The following TES variants were observed in gnomAD, a reference collection of about 807,000 sequenced individuals.
TES encodes testin LIM domain protein, also known as testin.
In TES, 41 loss-of-function variants were observed where a neutral mutation model predicts 48.2. That is an observed-to-expected ratio of 0.85 (90% confidence interval 0.66 to 1.10). The LOEUF (loss-of-function observed/expected upper bound fraction) is 1.10, where lower values mean the gene tolerates loss of function less well. TES is among the 50% of genes least tolerant of loss of function. The pLI, the probability that TES is intolerant of heterozygous loss-of-function variation, is 0.00. For synonymous variants in TES, 162 were observed against 174.9 expected, an observed-to-expected ratio of 0.93 and a Z score of 0.58; for missense variants, 463 against 515.1, an observed-to-expected ratio of 0.90 and a Z score of 0.98.
intron 1 of TES, among the ~76,000 whole-genome samples, chr7:116,214,556 G>A (rs868106912): frequency 2.0e-5 from 3 of 152,040 alleles, no homozygotes; most frequent in Admixed American, 1.3e-4. Context: ...AGTGGTCCTC[G>A]GCCAGGCTTT....
chr7:116,251,601 T>G, intron 4 of TES, 159 bp from the exon 5 acceptor site: 5 of 681,040 alleles, frequency 7.3e-6, no homozygotes, highest in South Asian at 7.2e-5. Context: ...GAGAACGGCG[T>G]GAACCCAGGA....
chr7:116,256,763 A>C (rs942108099), intron 6 of TES, among the ~76,000 whole-genome samples: 1 of 152,246 alleles, frequency 6.6e-6, no homozygotes, highest in African/African-American at 2.4e-5. Context: ...ACTACAAGTT[A>C]TATTTTTAGT....
chr7:116,221,352 A>G (rs1378725008), intron 1 of TES, among the ~76,000 whole-genome samples: 1 of 152,162 alleles, frequency 6.6e-6, no homozygotes, highest in Non-Finnish European at 1.5e-5. Flanking sequence ...GGTCCCGTAT[A>G]GGGAATTGGT....
At chr7:116,211,367 T>C (rs1799436825) in intron 1 of TES, 1 of 152,236 alleles carries the variant, frequency 6.6e-6, no homozygotes, top group Non-Finnish European at 1.5e-5. Flanking sequence ...CGCATTCTCC[T>C]TGTTTGGCAG....
At chr7:116,210,815 G>T in intron 1 of TES, 81 bp downstream of exon 1, 1 of 1,186,458 alleles carries the variant, frequency 8.4e-7, no homozygotes, top group Admixed American at 4.4e-5. Flanking sequence ...GTGCCGAGGT[G>T]GGTGGGGCTC....
chr7:116,234,602 C>A lies in TES; in HGVS notation c.96C>A (p.Phe32Leu). 6.2e-7 allele frequency: 1 copy of A among 1,613,742 alleles called. No individual in the cohort carries two copies. Reference protein sequence around the residue: ...CLKCKEKCEGFELHFWRKICR... With the variant: ...CLKCKEKCEGLELHFWRKICR... The stretch of plus-strand genomic sequence containing the variant: ...AATGCAAAGAAAAATGTGAAGGATT[C>A]GAACTGCACTTCTGGAGGTATTGTT... The change falls in exon 2 of 7, where the codon TTC becomes TTA. Residue 32 changes from phenylalanine to leucine, a missense_variant. Physicochemically the swap from Phe to Leu is conservative, Grantham distance 22. Transcript: ENST00000358204.
chr7:116,234,947 T>C (rs1033491369), intron 2 of TES, among the ~76,000 whole-genome samples: 1 of 150,030 alleles, frequency 6.7e-6, no homozygotes, highest in South Asian at 2.2e-4. Context: ...AATAATTTAT[T>C]TGTTACTTTT....
In TES at chr7:116,234,105, T is replaced by G. The variant is rs550748727; in HGVS notation, c.28-429T>G. Among the ~76,000 whole-genome samples the G allele has an allele frequency of 2.0e-5, 3 of 152,254 alleles. No homozygotes were observed. The East Asian group carries it at 5.8e-4, about 29-fold the overall frequency. ...TATTTATCATAATAAAAATAATATT[T>G]CAGTTGTAATTCCTAAAATCTTTAA... On this transcript the variant is annotated intron_variant, in intron 1 of 6. Transcript: ENST00000358204.
chr7:116,237,766 G>A (rs1799791464), intron 2 of TES, among the ~76,000 whole-genome samples: 1 of 152,158 alleles, frequency 6.6e-6, no homozygotes, highest in African/African-American at 2.4e-5. Context: ...GTTGAGTTCT[G>A]GTGAGGTCTC....
intron 1 of TES, among the ~76,000 whole-genome samples, chr7:116,221,786 G>A (rs1048235808): frequency 9.2e-5 from 14 of 152,214 alleles, no homozygotes; most frequent in African/African-American, 3.4e-4. Flanking sequence ...TTTGATTTTT[G>A]TGCTTGTTGT....
intron 1 of TES, among the ~76,000 whole-genome samples, chr7:116,226,341 G>T (rs1043968039): frequency 1.3e-5 from 2 of 152,108 alleles, no homozygotes; most frequent in African/African-American, 4.8e-5. Context: ...TGTGCCAAGG[G>T]GATAGTTAAA....
intron 2 of TES, among the ~76,000 whole-genome samples, chr7:116,242,525 CTCTCTCTCTCTCTG>C (rs1427266079): frequency 7.5e-5 from 11 of 146,150 alleles, no homozygotes; most frequent in South Asian, 4.3e-4. Flanking sequence ...CTCTCTCTCT[CTCTCTCTCTCTCTG>C]TCTCTGTCTC....
intron 2 of TES, among the ~76,000 whole-genome samples, chr7:116,245,920 C>T (rs1241310693): frequency 6.6e-6 from 1 of 152,030 alleles, no homozygotes; most frequent in Non-Finnish European, 1.5e-5. Context: ...GGAAAAAGTC[C>T]CTTATAAAAC....
Position 116,254,754 on chromosome 7 carries a change from A to ATG in TES, c.1077+2279_1077+2280insGT, listed in dbSNP as rs562076686. On this transcript the variant is annotated intron_variant, in intron 6 of 6. Coordinates refer to ENST00000358204, the MANE Select transcript of TES (RefSeq NM_015641.4). ...ACACTCCGTCTCAAAAAAAATATAT[A>ATG]TATATGTGTGTGTGTGTGTGTGTGT... Among the ~76,000 whole-genome samples, 1,076 of 119,264 alleles carry ATG rather than the reference A, an allele frequency of 9.0e-3. 3 individuals are homozygous for ATG. The highest frequency in any genetic ancestry group is 0.014 in the Non-Finnish European group (799 of 55,862). The allele number at this position is 119,264 out of a possible 152,430, so 78.2% of individuals were successfully genotyped here. A position where few individuals can be genotyped will look rare whatever the true frequency, so the allele number is the denominator to read the frequency against.
intron 1 of TES, among the ~76,000 whole-genome samples, chr7:116,219,876 C>T (rs1727083076): frequency 6.6e-6 from 1 of 152,068 alleles, no homozygotes. Flanking sequence ...AGTTTTTGGT[C>T]ATTCTGAAAA....
At chr7:116,225,448 A>C (rs967784260) in intron 1 of TES, among the ~76,000 whole-genome samples, 1 of 152,194 alleles carries the variant, frequency 6.6e-6, no homozygotes, top group Non-Finnish European at 1.5e-5. Flanking sequence ...AAAGTCCCAG[A>C]AAACTTGACG....
At chr7:116,217,966 T>G (rs1439219344) in intron 1 of TES, 1 of 487,898 alleles carries the variant, frequency 2.0e-6, no homozygotes, top group Admixed American at 2.2e-5. Context: ...TTTATTTTGG[T>G]CAAATTCAAA....
chr7:116,240,597 C>A (rs926344051), intron 2 of TES, among the ~76,000 whole-genome samples: 1 of 152,068 alleles, frequency 6.6e-6, no homozygotes. Context: ...ATCCCCACAC[C>A]TTAGAGCTTC....
At chr7:116,213,492 G>T (rs1200639433) in intron 1 of TES, among the ~76,000 whole-genome samples, 1 of 152,170 alleles carries the variant, frequency 6.6e-6, no homozygotes, top group Non-Finnish European at 1.5e-5. Context: ...GAATTAAGGA[G>T]GACTGTCTTT....
Sources: gnomAD v4.1 joint callset for allele counts (sites outside exome capture counted in the v4.1 genomes callset) on GRCh38, gnomAD v4.1.1 for gene constraint, MANE v1.5 for transcripts, NCBI Gene and HGNC (gene_info 2026-07-23, HGNC 2026-07-21) for gene names.